The following NEXMIF variants were observed in gnomAD, a reference collection of about 807,000 sequenced individuals.
NEXMIF encodes neurite extension and migration factor, also known as XLMR protein related to neurite extension.
A neutral mutation model predicts 62.1 loss-of-function variants in NEXMIF; 8 were observed. The observed-to-expected ratio is 0.13, with a 90% CI of 0.08 to 0.23. The LOEUF (loss-of-function observed/expected upper bound fraction) is 0.23. NEXMIF is among the 10% of genes least tolerant of loss of function. The pLI is 1.00. For missense variants in NEXMIF, 976 were observed against 1,113.3 expected (o/e 0.88, Z 1.75); for synonymous variants, 404 against 416.6 (o/e 0.97, Z 0.37).
chrX:74,757,616 C>T (rs1259050269), intron 1 of NEXMIF, among the ~76,000 whole-genome samples: 1 of 111,793 alleles, frequency 8.9e-6, no homozygotes, highest in African/African-American at 3.2e-5. Flanking sequence ...TGGCTCTGAT[C>T]CTGTATGAGG....
At chrX:74,804,940 C>T (rs1356880492) in intron 1 of NEXMIF, among the ~76,000 whole-genome samples, 1 of 112,063 alleles carries the variant, frequency 8.9e-6, no homozygotes, top group Non-Finnish European at 1.9e-5. Context: ...TGCGATTCCC[C>T]TCTCACTAGG....
At chrX:74,915,342 A>G (rs1165388012) in intron 1 of NEXMIF, among the ~76,000 whole-genome samples, 2 of 112,430 alleles carry the variant, frequency 1.8e-5, no homozygotes, top group East Asian at 5.6e-4. Context: ...ACACAGAACT[A>G]TTATGCAAAA....
intron 1 of NEXMIF, among the ~76,000 whole-genome samples, chrX:74,825,040 A>G (rs2080410544): frequency 9.0e-6 from 1 of 111,199 alleles, no homozygotes; most frequent in African/African-American, 3.3e-5. Context: ...TTTTCTTCAC[A>G]TCCTCACCAA....
Position 74,833,440 on chromosome X carries a change from A to T in NEXMIF, c.-47-87743T>A, listed in dbSNP as rs1012161606. 4.5e-5 allele frequency among the ~76,000 whole-genome samples: 5 copies of T among 110,993 alleles called. 1 individual carries two copies. The South Asian group carries it at 1.9e-3, about 42-fold the overall frequency. On this transcript the variant is annotated intron_variant, in intron 1 of 3. Transcript: ENST00000055682. ...CCATTGGCATGAAATATCTTTTTTC[A>T]TCCCTTTATTTTCAGTCCATGTATA...
intron 1 of NEXMIF, among the ~76,000 whole-genome samples, chrX:74,880,819 ACTT>A (rs1249010923): frequency 1.8e-5 from 2 of 112,105 alleles, no homozygotes; most frequent in Non-Finnish European, 3.8e-5. Flanking sequence ...AAATGGCTGT[ACTT>A]CTTCTTCCCA....
At chrX:74,906,770 A>T (rs1335147483) in intron 1 of NEXMIF, among the ~76,000 whole-genome samples, 1 of 111,272 alleles carries the variant, frequency 9.0e-6, no homozygotes, top group Non-Finnish European at 1.9e-5. Flanking sequence ...CTGAAAATAA[A>T]GCTTTTCATT....
intron 1 of NEXMIF, among the ~76,000 whole-genome samples, chrX:74,917,833 T>A (rs2080813009): frequency 9.0e-6 from 1 of 111,666 alleles, no homozygotes; most frequent in Non-Finnish European, 1.9e-5. Flanking sequence ...ATATTAATGA[T>A]GAACTTGTGT....
At chrX:74,856,928 G>A (rs1469761053) in intron 1 of NEXMIF, among the ~76,000 whole-genome samples, 1 of 112,011 alleles carries the variant, frequency 8.9e-6, no homozygotes, top group Non-Finnish European at 1.9e-5. Flanking sequence ...AAGCAAAACT[G>A]CACTGAATGC....
Position 74,743,211 on chromosome X carries a change from G to A in NEXMIF, c.1346C>T (p.Ser449Leu), listed in dbSNP as rs1419165026. The A allele has an allele frequency of 8.3e-7, 1 of 1,209,145 alleles. No individual in the cohort carries two copies. Among genetic ancestry groups the A allele is most frequent in the African/African-American group, 1.8e-5 (1 of 57,025 alleles). Residue 449 changes from serine to leucine, a missense_variant, in exon 3 of 4, where the codon TCA becomes TTA. Ser to Leu is a moderately radical substitution (Grantham distance 145, BLOSUM62 -2). Transcript: ENST00000055682. ...FSDDSSFIEI[S>L]YDAMGEIKDC... Reference sequence around the variant, plus strand: ...CTTGATCTCACCCATAGCATCATATGAGATCTCAATGAAGGAACTATCATC... The same window carrying A: ...CTTGATCTCACCCATAGCATCATATAAGATCTCAATGAAGGAACTATCATC...
At chrX:74,861,909 C>G (rs1308383724) in intron 1 of NEXMIF, among the ~76,000 whole-genome samples, 1 of 111,577 alleles carries the variant, frequency 9.0e-6, no homozygotes, top group Admixed American at 9.5e-5. Flanking sequence ...TTACAAAGAC[C>G]AATGACACTA....
chrX:74,913,769 AAAC>A (rs998777942), intron 1 of NEXMIF, among the ~76,000 whole-genome samples: 1 of 112,314 alleles, frequency 8.9e-6, no homozygotes, highest in Non-Finnish European at 1.9e-5. Flanking sequence ...TGCTTTCAGG[AAAC>A]AACAACAACC....
intron 1 of NEXMIF, among the ~76,000 whole-genome samples, chrX:74,871,745 G>A (rs1188442679): frequency 9.0e-6 from 1 of 111,364 alleles, no homozygotes; most frequent in East Asian, 2.8e-4. Context: ...TATTCTGCTC[G>A]ACCCCACAGG....
At chrX:74,838,413 G>A (rs947913834) in intron 1 of NEXMIF, among the ~76,000 whole-genome samples, 3 of 112,368 alleles carry the variant, frequency 2.7e-5, no homozygotes, top group Non-Finnish European at 5.6e-5. Context: ...CTGAATCAAA[G>A]TGGGGTAAAT....
At position 74,796,233 on chromosome X, in the gene NEXMIF, T is replaced by TATATATATATACATATATA. The variant is rs1569345256; in HGVS notation, c.-47-50537_-47-50536insTATATATGTATATATATAT. Among the ~76,000 whole-genome samples the TATATATATATACATATATA allele has an allele frequency of 9.5e-4, 53 of 55,500 alleles. 1 individual carries two copies. Among genetic ancestry groups the TATATATATATACATATATA allele is most frequent in the South Asian group, 2.3e-3 (3 of 1,319 alleles). The allele number at this position is 55,500 out of a possible 115,157, so 48.2% of individuals were successfully genotyped here. A position where few individuals can be genotyped will look rare whatever the true frequency, so the allele number is the denominator to read the frequency against. ...ATTATATATATATACATATATAATA[T>TATATATATATACATATATA]ATATATATATACACATATATATTAT... On this transcript the variant is annotated intron_variant, in intron 1 of 3. Coordinates refer to ENST00000055682, the MANE Select transcript of NEXMIF (RefSeq NM_001008537.3).
intron 1 of NEXMIF, among the ~76,000 whole-genome samples, chrX:74,828,976 C>G (rs751780578): frequency 6.7e-4 from 75 of 111,795 alleles, no homozygotes; most frequent in Non-Finnish European, 6.0e-4. Context: ...GCACAGTTAT[C>G]TAGAAAAGGC....
chrX:74,769,905 T>C, intron 1 of NEXMIF: 1 of 278,123 alleles, frequency 3.6e-6, no homozygotes, highest in Non-Finnish European at 6.3e-6. Context: ...TCCCCTGTTG[T>C]TATATACACA....
At chrX:74,814,390 T>G (rs777494089) in intron 1 of NEXMIF, among the ~76,000 whole-genome samples, 1 of 112,327 alleles carries the variant, frequency 8.9e-6, no homozygotes, top group South Asian at 3.7e-4. Context: ...GCTACTGCTT[T>G]AAGTCAACAT....
At chrX:74,852,072 C>G (rs1414079649) in intron 1 of NEXMIF, among the ~76,000 whole-genome samples, 1 of 110,400 alleles carries the variant, frequency 9.1e-6, no homozygotes, top group Non-Finnish European at 1.9e-5. Flanking sequence ...TATAAGAACT[C>G]ATTTCACCTG....
intron 1 of NEXMIF, among the ~76,000 whole-genome samples, chrX:74,800,974 CCTCT>C (rs2080327925): frequency 9.0e-6 from 1 of 111,146 alleles, no homozygotes; most frequent in African/African-American, 3.3e-5. Flanking sequence ...CCTACTCATC[CCTCT>C]CTCTCTTCCC....
Sources: gnomAD v4.1 joint callset for allele counts (sites outside exome capture counted in the v4.1 genomes callset) on GRCh38, gnomAD v4.1.1 for gene constraint, MANE v1.5 for transcripts, NCBI Gene and HGNC (gene_info 2026-07-23, HGNC 2026-07-21) for gene names.